The following NALCN variants were observed in gnomAD, a reference collection of about 807,000 sequenced individuals.
NALCN encodes the protein sodium leak channel NALCN.
NALCN carries 111 observed loss-of-function variants against 225.3 expected under a neutral mutation model. The observed-to-expected ratio is 0.49, with a 90% CI of 0.42 to 0.58. The LOEUF is 0.58. Ranked by LOEUF, NALCN falls within the 20% of genes least tolerant of loss-of-function variation. The probability of loss-of-function intolerance (pLI) is 0.00; values close to 1 mark genes in which losing one functional copy is unlikely to be tolerated. For missense variants in NALCN, 1,378 were observed against 2,202.4 expected (o/e 0.63, Z 7.49); for synonymous variants, 764 against 769.0 (o/e 0.99, Z 0.11).
At position 101,242,930 on chromosome 13, in the gene NALCN, C is replaced by T. The variant is rs1160074634; in HGVS notation, c.1267-5008G>A. Among the ~76,000 whole-genome samples the T allele has an allele frequency of 4.8e-5, 5 of 104,740 alleles. 2 individuals carry two copies. Among genetic ancestry groups the T allele is most frequent in the Non-Finnish European group, 8.5e-5 (4 of 47,032 alleles). The allele number at this position is 104,740 out of a possible 152,430, so 68.7% of individuals were successfully genotyped here. On this transcript the variant is annotated intron_variant, in intron 11 of 43. Transcript: ENST00000251127. Reference sequence around the variant, plus strand: ...TAGATGAGTCATCCATTGCACAATACATTTATTTTACTTTTTCAGGTTTAG... The same window carrying T: ...TAGATGAGTCATCCATTGCACAATATATTTATTTTACTTTTTCAGGTTTAG...
At chr13:101,361,233 G>T (rs1372820064) in intron 6 of NALCN, among the ~76,000 whole-genome samples, 1 of 152,124 alleles carries the variant, frequency 6.6e-6, no homozygotes, top group African/African-American at 2.4e-5. Context: ...CAAGCTGGTT[G>T]GGTGGAACCT....
intron 19 of NALCN, 47 bp from the exon 20 acceptor site, chr13:101,110,735 G>T (rs2035383594): frequency 1.0e-5 from 16 of 1,584,040 alleles, no homozygotes; most frequent in African/African-American, 1.3e-5. Context: ...GATCAAACTG[G>T]CCTTTCAAGC....
rs200191453 is a variant in NALCN at position 101,378,586 on chromosome 13, A to G, written c.359T>C (p.Val120Ala). 1.6e-5 allele frequency: 25 copies of G among 1,607,480 alleles called. No homozygotes were observed. The highest frequency in any genetic ancestry group is 1.8e-5 in the Non-Finnish European group (21 of 1,176,486). The part of the protein sequence containing the change: ...FDGFMVFCLW[V>A]SLVLQVFEIA... Reference sequence around the variant, plus strand: ...TTTAATTACCTGTAGCACCAAAGAAACCCAAAGGCAAAAGACCATAAATCC... The same window carrying G: ...TTTAATTACCTGTAGCACCAAAGAAGCCCAAAGGCAAAAGACCATAAATCC... Residue 120 changes from valine to alanine, a missense_variant, in exon 4 of 44, where the codon GTT (valine) becomes GCT (alanine). Val to Ala is a moderately conservative substitution (Grantham distance 64). This residue lies in a region of NALCN where 146 missense variants were observed against 205.9 expected (regional missense o/e 0.71). Coordinates refer to ENST00000251127, the MANE Select transcript of NALCN (RefSeq NM_052867.4).
chr13:101,210,943 A>AT lies in NALCN; in HGVS notation c.1626+18449dup, dbSNP rs567582101. 9.9e-4 allele frequency among the ~76,000 whole-genome samples: 151 copies of AT among 152,262 alleles called. 1 individual carries two copies. Among genetic ancestry groups the AT allele is most frequent in the African/African-American group, 3.5e-3 (146 of 41,556 alleles). Reference sequence around the variant, plus strand: ...ACAATAGAGTCTCACTACAGACTGTATTTTTTGTAGGCAAGACTACATAAA... The same window carrying AT: ...ACAATAGAGTCTCACTACAGACTGTATTTTTTTGTAGGCAAGACTACATAAA... On this transcript the variant is annotated intron_variant, in intron 13 of 43. Transcript: ENST00000251127.
intron 6 of NALCN, among the ~76,000 whole-genome samples, chr13:101,347,736 C>T (rs191495772): frequency 6.6e-6 from 1 of 152,252 alleles, no homozygotes; most frequent in Admixed American, 6.5e-5. Context: ...AGCTCAGCTT[C>T]CTCATCTGTA....
At chr13:101,400,583 A>ATGTGTG (rs1566655139) in intron 1 of NALCN, among the ~76,000 whole-genome samples, 1 of 139,542 alleles carries the variant, frequency 7.2e-6, no homozygotes, top group African/African-American at 2.9e-5. Context: ...GTGTGTGTGC[A>ATGTGTG]CGTGTGTGCG....
At chr13:101,346,193 A>G (rs2045732709) in intron 6 of NALCN, among the ~76,000 whole-genome samples, 1 of 151,084 alleles carries the variant, frequency 6.6e-6, no homozygotes, top group African/African-American at 2.4e-5. Flanking sequence ...CATAACATTA[A>G]TTACATATTA....
At chr13:101,068,963 A>G (rs1196031659) in intron 37 of NALCN, 136 bp from the exon 38 acceptor site, 2 of 865,206 alleles carry the variant, frequency 2.3e-6, no homozygotes, top group Non-Finnish European at 3.2e-6. Context: ...CAAAAGCCAC[A>G]TACATTGGGT....
chr13:101,253,540 A>C (rs1242065728), intron 11 of NALCN, among the ~76,000 whole-genome samples: 1 of 152,208 alleles, frequency 6.6e-6, no homozygotes, highest in East Asian at 1.9e-4. Context: ...TAAATGAGAC[A>C]ATGAATTCTT....
intron 17 of NALCN, among the ~76,000 whole-genome samples, chr13:101,135,684 G>A (rs1001957041): frequency 6.6e-6 from 1 of 152,126 alleles, no homozygotes; most frequent in Admixed American, 6.5e-5. Context: ...GTAGAAATTC[G>A]AAATTTAAGG....
Position 101,258,584 on chromosome 13 carries a change from C to T in NALCN, c.1135-10G>A, listed in dbSNP as rs114020374. The T allele has an allele frequency of 1.3e-3, 2,162 of 1,613,950 alleles. 26 individuals are homozygous for T. In the African/African-American group the frequency reaches 0.025, roughly 18 times the overall value. ...ATGACCGCATCATTTTCTGAGGGGG[C>T]GAAACAGACAGACTCTTAACAAAGA... On this transcript the variant is annotated splice_polypyrimidine_tract_variant and intron_variant, in intron 10 of 43. Coordinates refer to ENST00000251127, the MANE Select transcript of NALCN (RefSeq NM_052867.4).
intron 9 of NALCN, among the ~76,000 whole-genome samples, chr13:101,287,742 C>A (rs2043392104): frequency 6.6e-6 from 1 of 152,144 alleles, no homozygotes; most frequent in Non-Finnish European, 1.5e-5. Flanking sequence ...TTCTCTCAGG[C>A]CTGTCCATTT....
At chr13:101,147,145 T>C (rs916543627) in intron 15 of NALCN, among the ~76,000 whole-genome samples, 2 of 152,160 alleles carry the variant, frequency 1.3e-5, no homozygotes, top group Non-Finnish European at 1.5e-5. Context: ...AGTTCTTTCC[T>C]AAAAGCCTCT....
intron 34 of NALCN, 79 bp from the exon 35 acceptor site, chr13:101,076,020 G>A: frequency 8.8e-7 from 1 of 1,140,286 alleles, no homozygotes; most frequent in Non-Finnish European, 1.3e-6. Flanking sequence ...AGCCTTCTGT[G>A]AAGTATACTG....
At chr13:101,254,400 AAAAC>A (rs2042155550) in intron 11 of NALCN, among the ~76,000 whole-genome samples, 1 of 150,542 alleles carries the variant, frequency 6.6e-6, no homozygotes, top group African/African-American at 2.4e-5. Context: ...AAAGGAGACA[AAAAC>A]AACAACAAAA....
chr13:101,057,839 A>G, intron 43 of NALCN, 100 bp downstream of exon 43: 1 of 894,736 alleles, frequency 1.1e-6, no homozygotes. Flanking sequence ...ACAACTGTAG[A>G]TGCAGACTTG....
rs113891009 is a variant in NALCN, at chr13:101,281,129, C to A, written c.1134+2804G>T. On this transcript the variant is annotated intron_variant, in intron 10 of 43. Coordinates refer to ENST00000251127, the MANE Select transcript of NALCN (RefSeq NM_052867.4). ...CTCATGACCTCAGGTGATCTGCCTGCCTCAGCCTCCCAAAATGCTGGAATT... is the reference window on the plus strand; with the variant it reads ...CTCATGACCTCAGGTGATCTGCCTGACTCAGCCTCCCAAAATGCTGGAATT... Among the ~76,000 whole-genome samples, 728 of 152,258 alleles carry A rather than the reference C, an allele frequency of 4.8e-3. 6 individuals are homozygous for A. The highest frequency in any genetic ancestry group is 0.016 in the African/African-American group (666 of 41,552).
chr13:101,201,155 T>G (rs1227448416), intron 13 of NALCN, among the ~76,000 whole-genome samples: 1 of 152,150 alleles, frequency 6.6e-6, no homozygotes, highest in Non-Finnish European at 1.5e-5. Context: ...TATACTATTT[T>G]TTTTGACTTT....
intron 17 of NALCN, among the ~76,000 whole-genome samples, chr13:101,132,707 A>G (rs534697858): frequency 6.6e-6 from 1 of 152,164 alleles, no homozygotes; most frequent in Non-Finnish European, 1.5e-5. Flanking sequence ...CAAAATTATT[A>G]CTAGAACTCT....
Sources: allele counts gnomAD v4.1 joint callset (sites outside exome capture counted in the v4.1 genomes callset), GRCh38; gene constraint gnomAD v4.1.1; regional missense constraint gnomAD v4.1.1; transcripts MANE v1.5; gene names NCBI Gene and HGNC (gene_info 2026-07-23, HGNC 2026-07-21).